Variants in PAG1 observed in about 807,000 individuals in gnomAD.
PAG1 encodes phosphoprotein membrane anchor with glycosphingolipid microdomains 1, also known as phosphoprotein associated with glycosphingolipid-enriched microdomains 1.
PAG1 carries 23 observed loss-of-function variants against 31.7 expected under a neutral mutation model. The ratio of observed to expected loss-of-function variants is 0.73; its 90% CI spans 0.52 to 1.03. The LOEUF is 1.03. Among genes scored for constraint, PAG1 ranks in the 50% least tolerant of loss-of-function variants. PAG1 has a pLI of 0.00. For synonymous variants in PAG1, 214 were observed against 210.3 expected (o/e 1.02, Z -0.15); for missense variants, 473 against 540.7 (o/e 0.87, Z 1.24).
chr8:81,077,341 T>C (rs1289784385), intron 1 of PAG1, among the ~76,000 whole-genome samples: 2 of 152,234 alleles, frequency 1.3e-5, no homozygotes, highest in African/African-American at 4.8e-5. Flanking sequence ...CTGGGATTTG[T>C]TGCTCTCTAT....
At chr8:81,083,575 T>C (rs1275568276) in intron 1 of PAG1, among the ~76,000 whole-genome samples, 1 of 152,104 alleles carries the variant, frequency 6.6e-6, no homozygotes, top group Non-Finnish European at 1.5e-5. Flanking sequence ...TTTTTTTCTG[T>C]GGGGCTTGGC....
At chr8:80,996,687 A>T (rs1461199957) in intron 3 of PAG1, among the ~76,000 whole-genome samples, 1 of 152,154 alleles carries the variant, frequency 6.6e-6, no homozygotes, top group Non-Finnish European at 1.5e-5. Context: ...AGCTGAGGGT[A>T]GAGGCCTCAT....
rs112913992 is a variant in PAG1, at chr8:80,990,597, C to T, written c.177+882G>A. Among the ~76,000 whole-genome samples, 163 of 152,220 alleles carry T rather than the reference C, an allele frequency of 1.1e-3. No individual in the cohort carries two copies. Among genetic ancestry groups the T allele is most frequent in the African/African-American group, 3.3e-3 (135 of 41,538 alleles). On this transcript the variant is annotated intron_variant, in intron 5 of 8. Coordinates refer to ENST00000220597, the MANE Select transcript of PAG1 (RefSeq NM_018440.4). The surrounding 1 kb of genome is among the most constrained non-coding windows in gnomAD (Gnocchi z 5.1). ...GGGACTGCTCAGCCATTCAAAAGCACGGGCCTGGGTCAGAGAGGACAAGGA... is the reference window on the plus strand; with the variant it reads ...GGGACTGCTCAGCCATTCAAAAGCATGGGCCTGGGTCAGAGAGGACAAGGA...
Position 80,974,022 on chromosome 8 carries a change from CAAATT to C in PAG1, c.*2517_*2521del, listed in dbSNP as rs1807130785. The C allele has an allele frequency of 6.6e-6, 1 of 152,034 alleles. No homozygotes were observed. Among genetic ancestry groups the C allele is most frequent in the African/African-American group, 2.4e-5 (1 of 41,366 alleles). 9.4% of individuals were successfully genotyped at this position (152,034 alleles called of 1,614,324 possible). On this transcript the variant is annotated 3_prime_UTR_variant, in exon 9 of 9. Transcript: ENST00000220597. ...ACAGCTTATTCTAACCACTGGTTCTCAAATTAAAAGGTATATTTCAGTGCATATTT... is the reference window on the plus strand; with the variant it reads ...ACAGCTTATTCTAACCACTGGTTCTCAAAAGGTATATTTCAGTGCATATTT...
intron 2 of PAG1, among the ~76,000 whole-genome samples, chr8:81,033,274 T>C (rs1808404650): frequency 6.6e-6 from 1 of 152,198 alleles, no homozygotes; most frequent in South Asian, 2.1e-4. Context: ...GTTGTTACAC[T>C]AAGCAGATAA....
chr8:81,068,143 C>T (rs994736770), intron 2 of PAG1, among the ~76,000 whole-genome samples: 7 of 152,118 alleles, frequency 4.6e-5, no homozygotes, highest in Non-Finnish European at 1.0e-4. Context: ...GTGATCTGCT[C>T]GCCTCGGCCT....
intron 8 of PAG1, among the ~76,000 whole-genome samples, chr8:80,979,360 G>A (rs1343147819): frequency 5.3e-5 from 8 of 152,190 alleles, no homozygotes; most frequent in Admixed American, 5.2e-4. Context: ...CCTAGGGAGG[G>A]GCGGCCGCAG....
At chr8:81,107,468 C>T (rs1174084473) in intron 1 of PAG1, among the ~76,000 whole-genome samples, 3 of 152,174 alleles carry the variant, frequency 2.0e-5, no homozygotes, top group East Asian at 3.8e-4. Flanking sequence ...GTATCACGGG[C>T]CTCCTTGCAC....
At chr8:81,075,725 C>T (rs1809166338) in intron 1 of PAG1, among the ~76,000 whole-genome samples, 1 of 152,198 alleles carries the variant, frequency 6.6e-6, no homozygotes, top group South Asian at 2.1e-4. Context: ...CCTGATTCCA[C>T]AGCAGCTCCT....
chr8:81,106,171 G>A (rs55873741), intron 1 of PAG1, among the ~76,000 whole-genome samples: 42,938 of 151,854 alleles, frequency 0.28, 8,064 homozygotes, highest in East Asian at 0.76. Context: ...TCAGCCTTCC[G>A]AGTAGCTTGG....
intron 3 of PAG1, among the ~76,000 whole-genome samples, chr8:81,023,237 G>A (rs996363660): frequency 2.0e-5 from 3 of 152,014 alleles, no homozygotes; most frequent in African/African-American, 7.2e-5. Flanking sequence ...GTGCTACTTA[G>A]TCTACTTTAA....
intron 2 of PAG1, among the ~76,000 whole-genome samples, chr8:81,048,035 T>C (rs1441187326): frequency 6.6e-6 from 1 of 152,204 alleles, no homozygotes; most frequent in Non-Finnish European, 1.5e-5. Flanking sequence ...CTAGTTCCTG[T>C]GGTTAGAACT....
At chr8:81,096,957 T>C (rs1809538473) in intron 1 of PAG1, among the ~76,000 whole-genome samples, 2 of 152,224 alleles carry the variant, frequency 1.3e-5, no homozygotes, top group Non-Finnish European at 2.9e-5. Context: ...CAGCTGAAGC[T>C]GAAAGCAAAC....
chr8:81,089,024 G>A (rs1809404592), intron 1 of PAG1, among the ~76,000 whole-genome samples: 1 of 152,210 alleles, frequency 6.6e-6, no homozygotes, highest in East Asian at 1.9e-4. Context: ...TTATCACAAT[G>A]CTTTTAAGAA....
At chr8:81,055,754 T>C (rs1808809282) in intron 2 of PAG1, among the ~76,000 whole-genome samples, 1 of 150,596 alleles carries the variant, frequency 6.6e-6, no homozygotes, top group Non-Finnish European at 1.5e-5. Context: ...TTTGGCTCTC[T>C]GTTTGTCTGT....
intron 2 of PAG1, among the ~76,000 whole-genome samples, chr8:81,063,554 T>C (rs569820117): frequency 6.3e-4 from 96 of 152,280 alleles, no homozygotes; most frequent in East Asian, 5.8e-4. Flanking sequence ...TTTTAAGTAC[T>C]AGAACCTGTG....
At chr8:80,991,356 C>T in intron 5 of PAG1, 123 bp downstream of exon 5, 3 of 753,466 alleles carry the variant, frequency 4.0e-6, no homozygotes, top group Non-Finnish European at 7.2e-6. Flanking sequence ...CACCGTTTAA[C>T]TTAGGCTTAG....
At chr8:81,033,000 T>C (rs1214216537) in intron 2 of PAG1, among the ~76,000 whole-genome samples, 33 of 152,138 alleles carry the variant, frequency 2.2e-4, no homozygotes, top group Non-Finnish European at 1.5e-5. Context: ...ATAAGAAATG[T>C]CCAAAATAGG....
At chr8:81,041,814 T>A (rs1337146276) in intron 2 of PAG1, among the ~76,000 whole-genome samples, 5 of 152,134 alleles carry the variant, frequency 3.3e-5, no homozygotes, top group African/African-American at 1.2e-4. Flanking sequence ...TACCTCAGAG[T>A]CTGGCTGGGA....
Sources: gnomAD v4.1 joint callset for allele counts (sites outside exome capture counted in the v4.1 genomes callset) on GRCh38, gnomAD v4.1.1 for gene constraint, Gnocchi (gnomAD v3.1) non-coding constraint, MANE v1.5 for transcripts, NCBI Gene and HGNC (gene_info 2026-07-23, HGNC 2026-07-21) for gene names.